Variants in DTNA observed in about 807,000 individuals in gnomAD.
DTNA encodes the protein dystrobrevin alpha.
DTNA carries 43 observed loss-of-function variants against 100.7 expected under a neutral mutation model. That is an observed-to-expected ratio of 0.43 (90% CI 0.33 to 0.55). The LOEUF is 0.55. Ranked by LOEUF, DTNA falls within the 20% of genes least tolerant of loss-of-function variation. DTNA has a pLI of 0.04. For synonymous variants in DTNA, 349 were observed against 347.9 expected (o/e 1.00, Z -0.04); for missense variants, 798 against 953.9 (o/e 0.84, Z 2.15).
At chr18:34,653,270 C>T (rs2073874784) in intron 1 of DTNA, among the ~76,000 whole-genome samples, 1 of 152,088 alleles carries the variant, frequency 6.6e-6, no homozygotes, top group Non-Finnish European at 1.5e-5. Flanking sequence ...AAATAAAATT[C>T]AGCCTCACCT....
At chr18:34,772,307 A>T (rs1318906417) in intron 3 of DTNA, among the ~76,000 whole-genome samples, 2 of 152,244 alleles carry the variant, frequency 1.3e-5, no homozygotes, top group Non-Finnish European at 2.9e-5. Flanking sequence ...TTTTAAAGGT[A>T]TCCTTCATTC....
Position 34,649,616 on chromosome 18 carries a change from G to A in DTNA, c.-1-106360G>A, listed in dbSNP as rs184716006. Reference sequence around the variant, plus strand: ...TGCATTCTGGAGAAAAAAATTGAGGGAATTATGATTTCTACAGAAAAAACT... The same window carrying A: ...TGCATTCTGGAGAAAAAAATTGAGGAAATTATGATTTCTACAGAAAAAACT... On this transcript the variant is annotated intron_variant, in intron 1 of 19. Transcript: ENST00000283365. Among the ~76,000 whole-genome samples the A allele has an allele frequency of 2.4e-3, 361 of 152,144 alleles. 2 individuals are homozygous for A. The highest frequency in any genetic ancestry group is 7.9e-3 in the African/African-American group (327 of 41,510).
chr18:34,790,289 T>C (rs1416760022), intron 3 of DTNA, among the ~76,000 whole-genome samples: 1 of 151,800 alleles, frequency 6.6e-6, no homozygotes, highest in Non-Finnish European at 1.5e-5. Context: ...TACACAAGAG[T>C]GCCCACTACA....
At chr18:34,641,787 T>G (rs1315522572) in intron 1 of DTNA, among the ~76,000 whole-genome samples, 2 of 152,200 alleles carry the variant, frequency 1.3e-5, no homozygotes, top group Admixed American at 1.3e-4. Context: ...TATAAGGACT[T>G]CAGCTTGGAG....
chr18:34,658,424 C>G (rs1372796311), intron 1 of DTNA, among the ~76,000 whole-genome samples: 7 of 152,186 alleles, frequency 4.6e-5, no homozygotes, highest in African/African-American at 1.7e-4. Flanking sequence ...GTGATCTTGG[C>G]TCACTGTAAT....
At chr18:34,580,387 T>G (rs1194179896) in intron 1 of DTNA, among the ~76,000 whole-genome samples, 1 of 152,174 alleles carries the variant, frequency 6.6e-6, no homozygotes, top group Non-Finnish European at 1.5e-5. Flanking sequence ...TTGTTTATTG[T>G]ATGTCAGTGG....
At chr18:34,865,525 A>G (rs1190557325) in intron 17 of DTNA, among the ~76,000 whole-genome samples, 1 of 152,222 alleles carries the variant, frequency 6.6e-6, no homozygotes, top group Non-Finnish European at 1.5e-5. Flanking sequence ...TTGACTTTTC[A>G]GTAATTAGAT....
chr18:34,781,893 C>G (rs941732098), intron 3 of DTNA, among the ~76,000 whole-genome samples: 11 of 152,202 alleles, frequency 7.2e-5, no homozygotes, highest in African/African-American at 2.6e-4. Flanking sequence ...GCACATAATT[C>G]AGGGTCAGTG....
chr18:34,727,661 T>C lies in DTNA; in HGVS notation c.-2+17216T>C, dbSNP rs184806903. Among the ~76,000 whole-genome samples, 493 of 152,144 alleles carry C rather than the reference T, an allele frequency of 3.2e-3. 3 individuals carry two copies. The highest frequency in any genetic ancestry group is 7.6e-3 in the Admixed American group (116 of 15,266). ...CTCACTGCAACCTCCACCTCCCAGG[T>C]TCAAGCGATTCTCCTGCCTCAGCCT... On this transcript the variant is annotated intron_variant, in intron 1 of 22. Coordinates refer to ENST00000444659, the MANE Select transcript of DTNA (RefSeq NM_001386795.1).
chr18:34,506,100 A>G (rs1169081995), intron 1 of DTNA, among the ~76,000 whole-genome samples: 1 of 152,200 alleles, frequency 6.6e-6, no homozygotes, highest in East Asian at 1.9e-4. Context: ...CTTCACTGAT[A>G]CTTCCAGCTA....
At chr18:34,727,863 C>T (rs28558918) in intron 1 of DTNA, among the ~76,000 whole-genome samples, 125 of 152,152 alleles carry the variant, frequency 8.2e-4, no homozygotes, top group African/African-American at 2.7e-3. Flanking sequence ...CTGCACTCAG[C>T]GCCTAAAATG....
At chr18:34,640,062 C>A (rs1356470143) in intron 1 of DTNA, among the ~76,000 whole-genome samples, 1 of 152,182 alleles carries the variant, frequency 6.6e-6, no homozygotes, top group Non-Finnish European at 1.5e-5. Flanking sequence ...CCAATAAAAG[C>A]CTTTGATGCA....
rs181367079 is a variant in DTNA at position 34,789,751 on chromosome 18, C to T, written c.149-4286C>T. On this transcript the variant is annotated intron_variant, in intron 3 of 22. Coordinates refer to ENST00000444659, the MANE Select transcript of DTNA (RefSeq NM_001386795.1). ...TTTTTCATGAAATATTTTTCTTTTACGTTCCTTATATTAGGACCTTCAATA... is the reference window on the plus strand; with the variant it reads ...TTTTTCATGAAATATTTTTCTTTTATGTTCCTTATATTAGGACCTTCAATA... 2.7e-3 allele frequency among the ~76,000 whole-genome samples: 417 copies of T among 152,194 alleles called. 1 individual carries two copies. The highest frequency in any genetic ancestry group is 6.8e-3 in the Middle Eastern group (2 of 294).
intron 1 of DTNA, among the ~76,000 whole-genome samples, chr18:34,679,750 G>A (rs928173323): frequency 5.9e-5 from 9 of 152,110 alleles, no homozygotes; most frequent in Non-Finnish European, 1.0e-4. Flanking sequence ...TTTCAGTTTC[G>A]TACCTTTAGT....
At chr18:34,549,331 A>G (rs867174761) in intron 1 of DTNA, among the ~76,000 whole-genome samples, 1 of 152,114 alleles carries the variant, frequency 6.6e-6, no homozygotes, top group African/African-American at 2.4e-5. Context: ...AAAGCATTTT[A>G]TAATCGAAGC....
intron 1 of DTNA, among the ~76,000 whole-genome samples, chr18:34,594,394 C>T (rs909419549): frequency 6.6e-6 from 1 of 152,218 alleles, no homozygotes; most frequent in African/African-American, 2.4e-5. Context: ...CAAACTTGCA[C>T]AGCATTCCTT....
intron 1 of DTNA, among the ~76,000 whole-genome samples, chr18:34,526,695 A>C (rs1275538181): frequency 6.6e-6 from 1 of 152,098 alleles, no homozygotes; most frequent in Non-Finnish European, 1.5e-5. Flanking sequence ...TATGCAAATA[A>C]TGTCTGACTA....
In DTNA at chr18:34,891,596, A is replaced by G. The variant is rs1423658393; in HGVS notation, c.*3862A>G. On this transcript the variant is annotated 3_prime_UTR_variant, in exon 23 of 23. Transcript: ENST00000444659. ...ATGGTTTTTACCATTCTACTGTTTT[A>G]TTAGCATCTGTGAGCATCTAATAGA... 2 of 152,138 alleles carry G rather than the reference A, an allele frequency of 1.3e-5. No individual in the cohort carries two copies. The highest frequency in any genetic ancestry group is 4.8e-5 in the African/African-American group (2 of 41,422). 9.4% of individuals were successfully genotyped at this position (152,138 alleles called of 1,614,324 possible).
intron 1 of DTNA, among the ~76,000 whole-genome samples, chr18:34,522,103 T>C (rs2145241803): frequency 6.6e-6 from 1 of 152,360 alleles, no homozygotes; most frequent in South Asian, 2.1e-4. Flanking sequence ...AAAATTTAGA[T>C]GACATGTCTT....
Sources: allele counts gnomAD v4.1 joint callset (sites outside exome capture counted in the v4.1 genomes callset), GRCh38; gene constraint gnomAD v4.1.1; transcripts MANE v1.5; gene names NCBI Gene and HGNC (gene_info 2026-07-23, HGNC 2026-07-21).